The following YWHAH variants were observed in gnomAD, a reference collection of about 807,000 sequenced individuals.
The protein encoded by YWHAH is 14-3-3 protein eta.
YWHAH carries 6 observed loss-of-function variants against 22.9 expected under a neutral mutation model. The observed-to-expected ratio is 0.26, with a 90% CI of 0.14 to 0.52. The LOEUF is 0.52. Ranked by LOEUF, YWHAH falls within the 20% of genes least tolerant of loss-of-function variation. The pLI is 0.97. For synonymous variants in YWHAH, 135 were observed against 124.5 expected, an observed-to-expected ratio of 1.08 and a Z score of -0.56; for missense variants, 173 against 308.6, an observed-to-expected ratio of 0.56 and a Z score of 3.29.
intron 1 of YWHAH, among the ~76,000 whole-genome samples, chr22:31,947,746 C>G (rs1569274558): frequency 6.6e-6 from 1 of 152,162 alleles, no homozygotes; most frequent in African/African-American, 2.4e-5. Context: ...TTCGTAGTCT[C>G]TGTAAATACC....
In YWHAH at chr22:31,956,596, T is replaced by G; in HGVS notation, c.545T>G (p.Phe182Cys). Residue 182 changes from phenylalanine (F) to cysteine (C), a missense_variant, in exon 2 of 2, where the codon TTC becomes TGC. Phe to Cys is a radical substitution (Grantham distance 205). Coordinates refer to ENST00000248975, the MANE Select transcript of YWHAH (RefSeq NM_003405.4). The surrounding 1 kb of genome is among the most constrained non-coding windows in gnomAD (Gnocchi z 5.1). ...RLGLALNFSVFYYEIQNAPEQ... is the reference protein window; with the variant it reads ...RLGLALNFSVCYYEIQNAPEQ... ...GGCCTGGCCCTCAACTTCTCCGTGT[T>G]CTACTATGAGATCCAGAATGCACCT... 1 of 1,614,128 alleles carries G rather than the reference T, an allele frequency of 6.2e-7. No homozygotes were observed. The highest frequency in any genetic ancestry group is 8.5e-7 in the Non-Finnish European group (1 of 1,180,024).
chr22:31,945,700 C>T (rs2093833305), intron 1 of YWHAH: 3 of 1,238,360 alleles, frequency 2.4e-6, no homozygotes, highest in South Asian at 2.8e-5. Flanking sequence ...TTTCCTCTCC[C>T]TGCGTCAAGG....
intron 1 of YWHAH, among the ~76,000 whole-genome samples, chr22:31,949,517 G>C (rs915262884): frequency 6.6e-6 from 1 of 151,474 alleles, no homozygotes; most frequent in Non-Finnish European, 1.5e-5. Flanking sequence ...TTTTGGTGGG[G>C]GGGGGAGTCA....
At chr22:31,954,746 T>C (rs1247223254) in intron 1 of YWHAH, among the ~76,000 whole-genome samples, 1 of 152,168 alleles carries the variant, frequency 6.6e-6, no homozygotes, top group South Asian at 2.1e-4. Flanking sequence ...ATGGCATTCT[T>C]CCTGTGTGTG....
intron 1 of YWHAH, among the ~76,000 whole-genome samples, chr22:31,947,924 CAT>C (rs1051413029): frequency 1.3e-5 from 2 of 152,176 alleles, no homozygotes; most frequent in South Asian, 2.1e-4. Flanking sequence ...TATATTAAAA[CAT>C]AGATGGTAAC....
rs74604073 is a variant in YWHAH, at chr22:31,946,009, T to C, written c.87+1189T>C. ...ATCTTAAGTCATTTGGAAAGCTCAT[T>C]TGAAGGCTTTTGATGTTAATATCAG... is the stretch of plus-strand genomic sequence containing the variant. On this transcript the variant is annotated intron_variant, in intron 1 of 1. Transcript: ENST00000248975. Among the ~76,000 whole-genome samples the C allele has an allele frequency of 9.3e-3, 1,415 of 152,320 alleles. 14 individuals carry two copies. Among genetic ancestry groups the C allele is most frequent in the Middle Eastern group, 0.031 (9 of 294 alleles).
In YWHAH at chr22:31,956,421, C is replaced by T. The variant is rs2093849685; in HGVS notation, c.370C>T (p.Leu124=). 2 of 1,614,082 alleles carry T rather than the reference C, an allele frequency of 1.2e-6. No homozygotes were observed. Among genetic ancestry groups the T allele is most frequent in the Non-Finnish European group, 1.7e-6 (2 of 1,180,008 alleles). ...CCAGTATGAGAGCAAGGTGTTTTAC[C>T]TGAAAATGAAGGGTGATTACTACCG... ...DFQYESKVFY[L]KMKGDYYRYL... The change falls in exon 2 of 2, where the codon CTG becomes TTG. Residue 124 remains leucine, a synonymous_variant. Coordinates refer to ENST00000248975, the MANE Select transcript of YWHAH (RefSeq NM_003405.4). This position sits in a 1 kb window ranked among gnomAD's most constrained non-coding sequence, Gnocchi z 5.1.
chr22:31,953,616 A>G (rs2093846044), intron 1 of YWHAH, among the ~76,000 whole-genome samples: 2 of 152,204 alleles, frequency 1.3e-5, no homozygotes, highest in Non-Finnish European at 2.9e-5. Flanking sequence ...TAGTGGGGTT[A>G]TAGGTGTTCA....
intron 1 of YWHAH, chr22:31,945,272 AC>A: frequency 8.7e-7 from 1 of 1,154,238 alleles, no homozygotes; most frequent in Non-Finnish European, 1.1e-6. Flanking sequence ...TTTCTCTGCC[AC>A]GACCTGAAGT....
rs531050208 is a variant in YWHAH, at chr22:31,946,528, A to AAAGACTGCAGTGTTC, written c.87+1709_87+1723dup. ...GTTGCTCACCCTCTAAGTGAGACGT[A>AAAGACTGCAGTGTTC]AAGACTGCAGTGTTCGGAGCCCTTT... On this transcript the variant is annotated intron_variant, in intron 1 of 1. Transcript: ENST00000248975. Among the ~76,000 whole-genome samples the AAAGACTGCAGTGTTC allele has an allele frequency of 7.3e-3, 1,107 of 152,236 alleles. 12 individuals are homozygous for AAAGACTGCAGTGTTC. The highest frequency in any genetic ancestry group is 0.025 in the African/African-American group (1,041 of 41,524).
At chr22:31,950,039 C>T (rs1336703280) in intron 1 of YWHAH, among the ~76,000 whole-genome samples, 1 of 124,174 alleles carries the variant, frequency 8.1e-6, no homozygotes, top group East Asian at 2.9e-4. Flanking sequence ...GGGAAACTCA[C>T]ATATCTGGAT....
chr22:31,949,700 TC>T (rs1342467477), intron 1 of YWHAH, among the ~76,000 whole-genome samples: 1 of 152,184 alleles, frequency 6.6e-6, no homozygotes, highest in African/African-American at 2.4e-5. Context: ...GTACTGTTAC[TC>T]CCCTTTACAA....
rs978312400 is a variant in YWHAH at position 31,944,751 on chromosome 22, G to A, written c.18G>A (p.Gln6=). The A allele has an allele frequency of 1.9e-5, 27 of 1,417,182 alleles. No individual in the cohort carries two copies. The highest frequency in any genetic ancestry group is 2.4e-5 in the Non-Finnish European group (26 of 1,079,270). The allele number at this position is 1,417,182 out of a possible 1,614,324, so 87.8% of individuals were successfully genotyped here. A position where few individuals can be genotyped will look rare whatever the true frequency, so the allele number is the denominator to read the frequency against. The change falls in exon 1 of 2, where the codon CAG becomes CAA. Residue 6 remains glutamine (Q), a synonymous_variant. Coordinates refer to ENST00000248975, the MANE Select transcript of YWHAH (RefSeq NM_003405.4). The stretch of plus-strand genomic sequence containing the variant: ...CGAGCGACATGGGGGACCGGGAGCA[G>A]CTGCTGCAGCGGGCGCGGCTGGCCG... MGDRE[Q]LLQRARLAEQ...
chr22:31,948,182 G>A (rs1385012165), intron 1 of YWHAH, among the ~76,000 whole-genome samples: 1 of 152,168 alleles, frequency 6.6e-6, no homozygotes, highest in Admixed American at 6.5e-5. Context: ...CTTAAGTGCA[G>A]GAAACAAAAC....
intron 1 of YWHAH, among the ~76,000 whole-genome samples, chr22:31,954,822 G>A (rs2093847555): frequency 1.3e-5 from 2 of 152,178 alleles, no homozygotes; most frequent in Non-Finnish European, 2.9e-5. Flanking sequence ...CTAATGTCCA[G>A]TATGACTTCA....
intron 1 of YWHAH, among the ~76,000 whole-genome samples, chr22:31,949,957 TTTTTTTTTTCC>T (rs2093840790): frequency 1.1e-5 from 1 of 87,046 alleles, no homozygotes; most frequent in South Asian, 4.1e-4. Context: ...GTGCAAGTCA[TTTTTTTTTTCC>T]AAATACGATT....
chr22:31,945,233 C>A, intron 1 of YWHAH: 1 of 1,143,158 alleles, frequency 8.7e-7, no homozygotes, highest in Non-Finnish European at 1.1e-6. Flanking sequence ...AAAGAATCAC[C>A]TAGTAAGTGG....
At chr22:31,949,481 A>T (rs1435468449) in intron 1 of YWHAH, among the ~76,000 whole-genome samples, 1 of 151,432 alleles carries the variant, frequency 6.6e-6, no homozygotes, top group East Asian at 1.9e-4. Context: ...GGTAAACGGT[A>T]GCTGTTAGTC....
rs1217189025 is a variant in YWHAH at position 31,945,563 on chromosome 22, C to T, written c.87+743C>T. ...TCATAAATCGATTCTGCAGCTTCTC[C>T]GGTGGATGAGTCGTGCCCAGCCACA... On this transcript the variant is annotated intron_variant, in intron 1 of 1. Coordinates refer to ENST00000248975, the MANE Select transcript of YWHAH (RefSeq NM_003405.4). The T allele has an allele frequency of 2.3e-6, 3 of 1,304,100 alleles. 1 individual carries two copies. The South Asian group carries it at 3.7e-5, about 16-fold the overall frequency. 80.8% of individuals were successfully genotyped at this position (1,304,100 alleles called of 1,614,324 possible).
Sources: gnomAD v4.1 joint callset for allele counts (sites outside exome capture counted in the v4.1 genomes callset) on GRCh38, gnomAD v4.1.1 for gene constraint, Gnocchi (gnomAD v3.1) non-coding constraint, MANE v1.5 for transcripts, NCBI Gene and HGNC (gene_info 2026-07-23, HGNC 2026-07-21) for gene names.